The following RBFOX1 variants were observed in gnomAD, a reference collection of about 807,000 sequenced individuals.
The protein encoded by RBFOX1 is RNA binding protein fox-1 homolog 1.
RBFOX1 carries 8 observed loss-of-function variants against 57.7 expected under a neutral mutation model. That is an observed-to-expected ratio of 0.14 (90% CI 0.08 to 0.25). The LOEUF is 0.25. Ranked by LOEUF, RBFOX1 falls within the 10% of genes least tolerant of loss-of-function variation. RBFOX1 has a pLI of 1.00. For synonymous variants in RBFOX1, 326 were observed against 222.4 expected (o/e 1.47, Z -4.15); for missense variants, 611 against 548.5 (o/e 1.11, Z -1.14).
intron 3 of RBFOX1, among the ~76,000 whole-genome samples, chr16:5,688,672 G>C (rs1039920321): frequency 1.3e-5 from 2 of 152,170 alleles, no homozygotes; most frequent in Non-Finnish European, 2.9e-5. Context: ...TACCTACCCA[G>C]AGTCTCACAT....
chr16:7,306,168 T>C (rs912863133), intron 4 of RBFOX1, among the ~76,000 whole-genome samples: 2 of 152,230 alleles, frequency 1.3e-5, no homozygotes, highest in Admixed American at 1.3e-4. Context: ...GTGGTGTTTG[T>C]GTTTTTTTCA....
intron 1 of RBFOX1, among the ~76,000 whole-genome samples, chr16:6,156,831 A>C (rs933288479): frequency 1.3e-5 from 2 of 151,956 alleles, no homozygotes; most frequent in African/African-American, 2.4e-5. Context: ...TGTTTATTTA[A>C]ATGTATTTTA....
intron 3 of RBFOX1, among the ~76,000 whole-genome samples, chr16:5,803,593 C>A (rs1309433952): frequency 6.6e-6 from 1 of 152,182 alleles, no homozygotes; most frequent in Non-Finnish European, 1.5e-5. Context: ...CCACAAAGCA[C>A]ACTTTGTTGG....
intron 2 of RBFOX1, among the ~76,000 whole-genome samples, chr16:6,378,467 C>G (rs920224817): frequency 6.6e-6 from 1 of 152,326 alleles, no homozygotes; most frequent in African/African-American, 2.4e-5. Flanking sequence ...TGTAGCCCGT[C>G]ACTTTGGTCT....
intron 4 of RBFOX1, among the ~76,000 whole-genome samples, chr16:7,063,683 G>T (rs565366185): frequency 1.3e-5 from 2 of 151,940 alleles, no homozygotes; most frequent in South Asian, 2.1e-4. Flanking sequence ...TCAACCAACT[G>T]TGCTTCAAAT....
chr16:7,357,029 GC>G (rs1024122623), intron 4 of RBFOX1, among the ~76,000 whole-genome samples: 1 of 152,090 alleles, frequency 6.6e-6, no homozygotes, highest in African/African-American at 2.4e-5. Context: ...AAGCTTTTGG[GC>G]TCAGGAATCC....
At chr16:7,193,095 A>G (rs2085829147) in intron 4 of RBFOX1, among the ~76,000 whole-genome samples, 1 of 152,222 alleles carries the variant, frequency 6.6e-6, no homozygotes, top group Non-Finnish European at 1.5e-5. Flanking sequence ...GATTACATGT[A>G]GAGTTAGGCT....
At chr16:5,795,726 C>T (rs1162997496) in intron 3 of RBFOX1, among the ~76,000 whole-genome samples, 2 of 152,184 alleles carry the variant, frequency 1.3e-5, no homozygotes, top group African/African-American at 4.8e-5. Context: ...TCCATTTCCC[C>T]CATTATATAC....
At chr16:5,657,065 G>T (rs993338051) in intron 3 of RBFOX1, among the ~76,000 whole-genome samples, 20 of 152,250 alleles carry the variant, frequency 1.3e-4, no homozygotes, top group African/African-American at 4.8e-4. Flanking sequence ...AGACCTACAT[G>T]TTCTGCACAT....
In RBFOX1 at chr16:7,065,742, T is replaced by G. The variant is rs77037947; in HGVS notation, c.27+13644T>G. ...TGTAGCCGCCATGTTGCACAGTAGA[T>G]CTGATGAACTCATTCCTCCTGTCTA... On this transcript the variant is annotated intron_variant, in intron 4 of 15. Transcript: ENST00000550418. 8.6e-3 allele frequency among the ~76,000 whole-genome samples: 1,316 copies of G among 152,258 alleles called. 23 individuals are homozygous for G. The highest frequency in any genetic ancestry group is 0.03 in the African/African-American group (1,250 of 41,548).
At chr16:6,721,408 A>T (rs931229608) in intron 3 of RBFOX1, among the ~76,000 whole-genome samples, 1 of 152,202 alleles carries the variant, frequency 6.6e-6, no homozygotes, top group East Asian at 1.9e-4. Context: ...ATGCCACTGC[A>T]CTCCAGCCTG....
intron 4 of RBFOX1, among the ~76,000 whole-genome samples, chr16:7,439,939 T>G (rs1403143396): frequency 2.9e-5 from 4 of 137,876 alleles, no homozygotes; most frequent in African/African-American, 1.1e-4. Flanking sequence ...AACAACCAAA[T>G]CTTTTCTTTC....
At chr16:5,253,475 C>T (rs1435556979) in intron 1 of RBFOX1, among the ~76,000 whole-genome samples, 1 of 152,114 alleles carries the variant, frequency 6.6e-6, no homozygotes, top group South Asian at 2.1e-4. Flanking sequence ...ATTCTGGATA[C>T]TTATCATGAC....
At chr16:6,573,403 G>T (rs183353610) in intron 2 of RBFOX1, among the ~76,000 whole-genome samples, 12 of 152,176 alleles carry the variant, frequency 7.9e-5, no homozygotes, top group Non-Finnish European at 1.3e-4. Context: ...ACTTTATCCT[G>T]GCCTGTCTCT....
intron 2 of RBFOX1, among the ~76,000 whole-genome samples, chr16:6,646,659 G>A (rs866146766): frequency 6.6e-6 from 1 of 151,934 alleles, no homozygotes; most frequent in South Asian, 2.1e-4. Flanking sequence ...TGGTCAGAAC[G>A]GGCAAAAGCA....
chr16:6,104,132 A>AACACACACACACACACAC (rs112249231), intron 1 of RBFOX1, among the ~76,000 whole-genome samples: 41 of 148,470 alleles, frequency 2.8e-4, no homozygotes, highest in African/African-American at 4.2e-4. Flanking sequence ...TCCCAGTTGA[A>AACACACACACACACACAC]ACACACACAC....
At chr16:5,612,111 T>C (rs925197390) in intron 3 of RBFOX1, among the ~76,000 whole-genome samples, 1 of 151,064 alleles carries the variant, frequency 6.6e-6, no homozygotes, top group Non-Finnish European at 1.5e-5. Context: ...ATTCATTCAT[T>C]CATTCATCTA....
chr16:6,123,496 G>A (rs2096566792), intron 1 of RBFOX1, among the ~76,000 whole-genome samples: 1 of 152,214 alleles, frequency 6.6e-6, no homozygotes, highest in Non-Finnish European at 1.5e-5. Context: ...ACCAGGGGCT[G>A]AAATGTGAGG....
chr16:6,380,617 A>G (rs1452250407), intron 2 of RBFOX1, among the ~76,000 whole-genome samples: 1 of 151,706 alleles, frequency 6.6e-6, no homozygotes, highest in Non-Finnish European at 1.5e-5. Context: ...CATACTTAGG[A>G]TATGTCTTTT....
Sources: gnomAD v4.1 joint callset for allele counts (sites outside exome capture counted in the v4.1 genomes callset) on GRCh38, gnomAD v4.1.1 for gene constraint, MANE v1.5 for transcripts, NCBI Gene and HGNC (gene_info 2026-07-23, HGNC 2026-07-21) for gene names.